Variants in PALLD observed in about 807,000 individuals in gnomAD.
The protein encoded by PALLD is palladin.
A neutral mutation model predicts 123.5 loss-of-function variants in PALLD; 61 were observed. That is an observed-to-expected ratio of 0.49 (90% CI 0.40 to 0.61). PALLD has a LOEUF of 0.61. Among genes scored for constraint, PALLD ranks in the 20% least tolerant of loss-of-function variants. The pLI, the probability that PALLD is intolerant of heterozygous loss-of-function variation, is 0.00. For synonymous variants in PALLD, 465 were observed against 496.4 expected (o/e 0.94, Z 0.84); for missense variants, 1,273 against 1,377.0 (o/e 0.92, Z 1.20).
chr4:168,857,126 T>C (rs1748720750), intron 10 of PALLD, among the ~76,000 whole-genome samples: 1 of 152,254 alleles, frequency 6.6e-6, no homozygotes, highest in Non-Finnish European at 1.5e-5. Context: ...AACCCTTCTC[T>C]CATGGCCATT....
intron 10 of PALLD, among the ~76,000 whole-genome samples, chr4:168,798,012 T>C (rs1738768769): frequency 6.6e-6 from 1 of 152,178 alleles, no homozygotes; most frequent in Admixed American, 6.5e-5. Flanking sequence ...GGTATCACAT[T>C]CAAAATTGCA....
intron 2 of PALLD, among the ~76,000 whole-genome samples, chr4:168,623,096 T>A (rs2149801657): frequency 6.6e-6 from 1 of 152,336 alleles, no homozygotes; most frequent in Middle Eastern, 3.4e-3. Flanking sequence ...ACATGAAAGC[T>A]AAATTGTCTA....
intron 12 of PALLD, 118 bp from the exon 13 acceptor site, chr4:168,896,431 C>T (rs900569520): frequency 5.1e-5 from 35 of 684,798 alleles, no homozygotes; most frequent in African/African-American, 2.7e-4. Flanking sequence ...CTCACAGCAC[C>T]GTTACTACCA....
At chr4:168,631,443 C>T (rs1021928044) in intron 2 of PALLD, among the ~76,000 whole-genome samples, 1 of 152,216 alleles carries the variant, frequency 6.6e-6, no homozygotes, top group Non-Finnish European at 1.5e-5. Flanking sequence ...TTACAATTCC[C>T]CCCGCCCCTG....
intron 15 of PALLD, among the ~76,000 whole-genome samples, chr4:168,912,691 T>C (rs1759234194): frequency 6.6e-6 from 1 of 152,188 alleles, no homozygotes; most frequent in Non-Finnish European, 1.5e-5. Context: ...TCATGGTAAT[T>C]AGCATATCTG....
At chr4:168,666,662 C>T (rs1371585176) in intron 2 of PALLD, among the ~76,000 whole-genome samples, 1 of 152,086 alleles carries the variant, frequency 6.6e-6, no homozygotes, top group African/African-American at 2.4e-5. Context: ...TATGAAAACC[C>T]ACAGTGACAG....
At chr4:168,673,646 G>A (rs1406392950) in intron 3 of PALLD, among the ~76,000 whole-genome samples, 1 of 152,164 alleles carries the variant, frequency 6.6e-6, no homozygotes, top group Non-Finnish European at 1.5e-5. Context: ...GGAGAGATGC[G>A]GGTGCCTCAG....
intron 10 of PALLD, among the ~76,000 whole-genome samples, chr4:168,774,147 A>G (rs1479894524): frequency 1.3e-5 from 2 of 151,878 alleles, no homozygotes; most frequent in Non-Finnish European, 2.9e-5. Flanking sequence ...GCGTAAAACA[A>G]TTCATTATAT....
intron 10 of PALLD, among the ~76,000 whole-genome samples, chr4:168,792,900 G>A (rs1737739794): frequency 6.6e-6 from 1 of 151,438 alleles, no homozygotes; most frequent in African/African-American, 2.4e-5. Flanking sequence ...CCAAGTAGCT[G>A]AGATTACAGG....
chr4:168,583,649 T>C (rs890107930), intron 2 of PALLD, among the ~76,000 whole-genome samples: 1 of 152,200 alleles, frequency 6.6e-6, no homozygotes, highest in Non-Finnish European at 1.5e-5. Context: ...CAAGATTTAC[T>C]TCACTTGAAA....
chr4:168,824,733 C>CT (rs1743180473), intron 10 of PALLD, among the ~76,000 whole-genome samples: 1 of 150,656 alleles, frequency 6.6e-6, no homozygotes, highest in Non-Finnish European at 1.5e-5. Context: ...GTATAACTCA[C>CT]TTAAGGGGCC....
intron 10 of PALLD, among the ~76,000 whole-genome samples, chr4:168,842,029 G>A (rs866188735): frequency 2.0e-5 from 3 of 152,342 alleles, no homozygotes; most frequent in Middle Eastern, 3.4e-3. Context: ...GGAATGTGAT[G>A]AAGACTGAAT....
At chr4:168,692,035 A>G (rs181485422) in intron 8 of PALLD, among the ~76,000 whole-genome samples, 1 of 152,264 alleles carries the variant, frequency 6.6e-6, no homozygotes, top group East Asian at 1.9e-4. Context: ...CAGGGTCACA[A>G]TTTCACTTAT....
chr4:168,641,109 G>A (rs967295261), intron 2 of PALLD, among the ~76,000 whole-genome samples: 8 of 151,894 alleles, frequency 5.3e-5, no homozygotes, highest in African/African-American at 1.9e-4. Context: ...TCGAGAGGCT[G>A]AGGCAGGAGA....
At chr4:168,541,439 C>T (rs1253793729) in intron 2 of PALLD, among the ~76,000 whole-genome samples, 2 of 147,740 alleles carry the variant, frequency 1.4e-5, no homozygotes, top group South Asian at 2.1e-4. Context: ...TACACTCTCA[C>T]TCATTTTATT....
rs1561191306 is a variant in PALLD, at chr4:168,511,519, C to T, written c.15C>T (p.Ser5=). The part of the protein sequence containing the change: MSGT[S]SHESFYDSLS... ...ACCGTTCAAATATGTCAGGGACCTCCTCCCATGAGTCCTTCTATGACTCCC... is the reference window on the plus strand; with the variant it reads ...ACCGTTCAAATATGTCAGGGACCTCTTCCCATGAGTCCTTCTATGACTCCC... The change falls in exon 2 of 22, where the codon TCC becomes TCT. Residue 5 remains serine (S), a synonymous_variant. Transcript: ENST00000505667. 6.2e-7 allele frequency: 1 copy of T among 1,613,632 alleles called. No homozygotes were observed. Among genetic ancestry groups the T allele is most frequent in the African/African-American group, 1.3e-5 (1 of 75,030 alleles).
intron 10 of PALLD, among the ~76,000 whole-genome samples, chr4:168,760,566 A>C (rs551713809): frequency 6.6e-6 from 1 of 152,122 alleles, no homozygotes; most frequent in East Asian, 1.9e-4. Flanking sequence ...CAATTTCACC[A>C]TAGTCTCATC....
chr4:168,846,594 CTGCA>C (rs1013513490), intron 10 of PALLD, among the ~76,000 whole-genome samples: 1 of 152,160 alleles, frequency 6.6e-6, no homozygotes, highest in Non-Finnish European at 1.5e-5. Flanking sequence ...GTTAAACAGC[CTGCA>C]TGTCATGGTA....
chr4:168,693,148 T>C (rs1561407678), intron 8 of PALLD, among the ~76,000 whole-genome samples: 1 of 147,902 alleles, frequency 6.8e-6, no homozygotes, highest in African/African-American at 2.5e-5. Context: ...CTCCTTCTGT[T>C]TCACATCTAC....
Sources: gnomAD v4.1 joint callset for allele counts (sites outside exome capture counted in the v4.1 genomes callset) on GRCh38, gnomAD v4.1.1 for gene constraint, MANE v1.5 for transcripts, NCBI Gene and HGNC (gene_info 2026-07-23, HGNC 2026-07-21) for gene names.